Variants in NEK10 observed in about 807,000 individuals in gnomAD.
The protein encoded by NEK10 is NIMA related kinase 10.
A neutral mutation model predicts 159.8 loss-of-function variants in NEK10; 122 were observed. The observed-to-expected ratio is 0.76, with a 90% CI of 0.66 to 0.89. NEK10 has a LOEUF of 0.89. Ranked by LOEUF, NEK10 falls within the 40% of genes least tolerant of loss-of-function variation. NEK10 has a pLI of 0.00. For synonymous variants in NEK10, 466 were observed against 457.1 expected (o/e 1.02, Z -0.25); for missense variants, 1,342 against 1,323.1 (o/e 1.01, Z -0.22).
intron 4 of NEK10, among the ~76,000 whole-genome samples, chr3:27,345,754 A>G (rs905435375): frequency 6.6e-6 from 1 of 152,188 alleles, no homozygotes; most frequent in Non-Finnish European, 1.5e-5. Context: ...CTTTTATGCC[A>G]TCTCATTACT....
intron 22 of NEK10, among the ~76,000 whole-genome samples, chr3:27,258,153 T>C (rs1349354559): frequency 1.3e-5 from 2 of 152,160 alleles, no homozygotes; most frequent in South Asian, 2.1e-4. Flanking sequence ...CTGATATATA[T>C]TGTAAACAGA....
chr3:27,298,115 T>C (rs1315636911), intron 13 of NEK10, among the ~76,000 whole-genome samples: 1 of 152,198 alleles, frequency 6.6e-6, no homozygotes, highest in Non-Finnish European at 1.5e-5. Context: ...TTTATGTTTT[T>C]AATTTTTATT....
intron 31 of NEK10, 92 bp from the exon 32 acceptor site, chr3:27,132,082 T>C: frequency 6.2e-6 from 4 of 649,158 alleles, no homozygotes; most frequent in Non-Finnish European, 1.1e-5. Context: ...CATGTAACAA[T>C]ATTCACTCAA....
rs1950365043 is a variant in NEK10 at position 27,204,610 on chromosome 3, T to C, written c.2091-2053A>G. Among the ~76,000 whole-genome samples the C allele has an allele frequency of 8.2e-5, 10 of 122,116 alleles. 1 individual carries two copies. In the Admixed American group the frequency reaches 9.4e-4, roughly 11 times the overall value. 80.1% of individuals were successfully genotyped at this position (122,116 alleles called of 152,430 possible). On this transcript the variant is annotated intron_variant, in intron 23 of 35. Coordinates refer to ENST00000691995, the MANE Select transcript of NEK10 (RefSeq NM_001394966.1). ...TTACTGAGAATGATGATTTCCAATTTCATCCATGTCCCTACAAAGGACATG... is the reference window on the plus strand; with the variant it reads ...TTACTGAGAATGATGATTTCCAATTCCATCCATGTCCCTACAAAGGACATG...
In NEK10 at chr3:27,243,176, G is replaced by A. The variant is rs1284092670; in HGVS notation, c.2090+13120C>T. Among the ~76,000 whole-genome samples, 153 of 151,942 alleles carry A rather than the reference G, an allele frequency of 1.0e-3. 3 individuals carry two copies. Among genetic ancestry groups the A allele is most frequent in the Admixed American group, 9.9e-3 (151 of 15,240 alleles). On this transcript the variant is annotated intron_variant, in intron 23 of 35. Transcript: ENST00000691995. ...AGGAAGGTTTTCTTGTGTTAGCATC[G>A]TGTCATTACTTCTAGGGTTGTTATG...
intron 22 of NEK10, among the ~76,000 whole-genome samples, chr3:27,265,079 T>C (rs557835943): frequency 6.6e-6 from 1 of 152,162 alleles, no homozygotes; most frequent in Non-Finnish European, 1.5e-5. Flanking sequence ...TAGTTGGGTA[T>C]TTTCTTAACC....
chr3:27,260,485 T>G (rs1019056951), intron 22 of NEK10, among the ~76,000 whole-genome samples: 3 of 152,164 alleles, frequency 2.0e-5, no homozygotes, highest in African/African-American at 4.8e-5. Flanking sequence ...AATCATGTGG[T>G]TTTTGTTTTT....
In NEK10 at chr3:27,312,146, C is replaced by T; in HGVS notation, c.521G>A (p.Gly174Asp). The T allele has an allele frequency of 6.2e-7, 1 of 1,612,140 alleles. No homozygotes were observed. Among genetic ancestry groups the T allele is most frequent in the Non-Finnish European group, 8.5e-7 (1 of 1,179,038 alleles). Reference sequence around the variant, plus strand: ...CACAGTGTGCTGCTCTTCTCCATAGCCGAGGTACTCATTGGCTACAATCTC... The same window carrying T: ...CACAGTGTGCTGCTCTTCTCCATAGTCGAGGTACTCATTGGCTACAATCTC... ...YMEIVANEYL[G>D]YGEEQHTVDK... is the part of the protein sequence containing the mutation. The change falls in exon 8 of 36, where the codon GGC (glycine) becomes GAC (aspartate). Residue 174 changes from glycine (G) to aspartate (D), a missense_variant. Transcript: ENST00000691995.
intron 23 of NEK10, chr3:27,215,725 G>C: frequency 1.4e-6 from 1 of 700,468 alleles, no homozygotes. Flanking sequence ...AGGTTTAATT[G>C]GCTCACGGTT....
At chr3:27,284,986 C>T in intron 20 of NEK10, 25 bp from the exon 21 acceptor site, 2 of 1,563,288 alleles carry the variant, frequency 1.3e-6, no homozygotes, top group Non-Finnish European at 1.7e-6. Flanking sequence ...CAAAAGGTCA[C>T]AGAAATTTAA....
At chr3:27,314,003 C>T (rs952299094) in intron 7 of NEK10, among the ~76,000 whole-genome samples, 3 of 152,150 alleles carry the variant, frequency 2.0e-5, no homozygotes, top group African/African-American at 7.2e-5. Flanking sequence ...TGAGCCACCG[C>T]ACCTGGCTGC....
chr3:27,307,856 T>A lies in NEK10; in HGVS notation c.803+3A>T, dbSNP rs562510684. 1.4e-6 allele frequency: 2 copies of A among 1,438,734 alleles called. No homozygotes were observed. Among genetic ancestry groups the A allele is most frequent in the South Asian group, 2.3e-5 (2 of 87,004 alleles). 89.1% of individuals were successfully genotyped at this position (1,438,734 alleles called of 1,614,324 possible). On this transcript the variant is annotated splice_donor_region_variant and intron_variant, in intron 11 of 35. Transcript: ENST00000691995. Reference sequence around the variant, plus strand: ...TGTCTTTTTCTACTGTTAGCAATCCTACCTTTTAGAAAGCAAGTCATATTC... The same window carrying A: ...TGTCTTTTTCTACTGTTAGCAATCCAACCTTTTAGAAAGCAAGTCATATTC...
intron 25 of NEK10, chr3:27,194,461 T>C (rs2148994299): frequency 6.6e-6 from 1 of 152,292 alleles, no homozygotes; most frequent in South Asian, 2.1e-4. Context: ...TAATACATGC[T>C]AAAGATTGTC....
chr3:27,264,892 C>CTAAA (rs147191294), intron 22 of NEK10, among the ~76,000 whole-genome samples: 268 of 144,796 alleles, frequency 1.9e-3, no homozygotes, highest in East Asian at 3.4e-3. Flanking sequence ...GAAAATCAGT[C>CTAAA]TAAATAAATA....
chr3:27,233,234 C>T (rs562451297), intron 23 of NEK10, among the ~76,000 whole-genome samples: 5 of 152,000 alleles, frequency 3.3e-5, no homozygotes, highest in Admixed American at 2.0e-4. Context: ...GGGCAAAGCA[C>T]ATGAATAGAC....
At chr3:27,150,791 A>G (rs1221432185) in intron 30 of NEK10, among the ~76,000 whole-genome samples, 1 of 152,152 alleles carries the variant, frequency 6.6e-6, no homozygotes, top group East Asian at 1.9e-4. Context: ...ATAGATAGTG[A>G]TTCCTCTGAT....
chr3:27,142,339 C>T (rs538897668), intron 30 of NEK10, among the ~76,000 whole-genome samples: 5 of 152,100 alleles, frequency 3.3e-5, no homozygotes, highest in African/African-American at 7.2e-5. Context: ...ACAAGGCCAC[C>T]TCTGCCTCTT....
Position 27,142,719 on chromosome 3 carries a change from T to C in NEK10, c.2870-1137A>G, listed in dbSNP as rs117986380. On this transcript the variant is annotated intron_variant, in intron 30 of 35. Coordinates refer to ENST00000691995, the MANE Select transcript of NEK10 (RefSeq NM_001394966.1). ...CAAGACATTTAAAGAGAACATTCAATGCAGTCATTTAAAAGAGTCAACTTG... is the reference window on the plus strand; with the variant it reads ...CAAGACATTTAAAGAGAACATTCAACGCAGTCATTTAAAAGAGTCAACTTG... Among the ~76,000 whole-genome samples, 900 of 152,304 alleles carry C rather than the reference T, an allele frequency of 5.9e-3. 5 individuals carry two copies. Among genetic ancestry groups the C allele is most frequent in the East Asian group, 0.017 (88 of 5,190 alleles).
In NEK10 at chr3:27,109,965, G is replaced by C. The variant is rs927198947; in HGVS notation, c.*1307C>G. 3 of 152,058 alleles carry C rather than the reference G, an allele frequency of 2.0e-5. No homozygotes were observed. Among genetic ancestry groups the C allele is most frequent in the African/African-American group, 7.2e-5 (3 of 41,396 alleles). 9.4% of individuals were successfully genotyped at this position (152,058 alleles called of 1,614,324 possible). On this transcript the variant is annotated 3_prime_UTR_variant, in exon 36 of 36. Coordinates refer to ENST00000691995, the MANE Select transcript of NEK10 (RefSeq NM_001394966.1). ...AATATGCTCATTTAAAAATAGTGTA[G>C]ATTTTCATACTATACAGAAAGAAGG... is the stretch of plus-strand genomic sequence containing the variant.
Sources: allele counts gnomAD v4.1 joint callset (sites outside exome capture counted in the v4.1 genomes callset), GRCh38; gene constraint gnomAD v4.1.1; transcripts MANE v1.5; gene names NCBI Gene and HGNC (gene_info 2026-07-23, HGNC 2026-07-21).